Variants in ZMAT4 observed in about 807,000 individuals in gnomAD.
ZMAT4 encodes zinc finger matrin-type 4.
In ZMAT4, 17 loss-of-function variants were observed where a neutral mutation model predicts 28.7. The ratio of observed to expected loss-of-function variants is 0.59; its 90% CI spans 0.41 to 0.89. ZMAT4 has a LOEUF of 0.89. Ranked by LOEUF, ZMAT4 falls within the 40% of genes least tolerant of loss-of-function variation. The pLI, the probability that ZMAT4 is intolerant of heterozygous loss-of-function variation, is 0.00. For missense variants in ZMAT4, 240 were observed against 283.8 expected (o/e 0.85, Z 1.11); for synonymous variants, 117 against 109.2 (o/e 1.07, Z -0.44).
chr8:40,577,848 A>T (rs1368951138), intron 6 of ZMAT4, among the ~76,000 whole-genome samples: 3 of 151,902 alleles, frequency 2.0e-5, no homozygotes, highest in Non-Finnish European at 4.4e-5. Context: ...TTATTCTAGT[A>T]TCCCAAAACA....
intron 1 of ZMAT4, among the ~76,000 whole-genome samples, chr8:40,826,982 A>G (rs1176701329): frequency 2.0e-5 from 3 of 152,212 alleles, no homozygotes; most frequent in African/African-American, 7.2e-5. Context: ...TGCTGTATGA[A>G]GAGGCAAAAG....
chr8:40,812,973 A>G (rs1815386197), intron 2 of ZMAT4, among the ~76,000 whole-genome samples: 1 of 150,034 alleles, frequency 6.7e-6, no homozygotes, highest in Non-Finnish European at 1.5e-5. Context: ...ATTAAATTAA[A>G]TTAAATTAAA....
At chr8:40,799,356 C>T (rs1324910692) in intron 2 of ZMAT4, among the ~76,000 whole-genome samples, 2 of 152,014 alleles carry the variant, frequency 1.3e-5, no homozygotes, top group Admixed American at 1.3e-4. Context: ...TGTTTCTGTT[C>T]CTGTCTGTCC....
chr8:40,889,148 G>A (rs541505823), intron 1 of ZMAT4, among the ~76,000 whole-genome samples: 62 of 152,292 alleles, frequency 4.1e-4, no homozygotes, highest in African/African-American at 1.5e-3. Context: ...GCTAAGACAG[G>A]CCTGACCACT....
At chr8:40,656,851 A>T (rs993900616) in intron 5 of ZMAT4, among the ~76,000 whole-genome samples, 22 of 152,172 alleles carry the variant, frequency 1.4e-4, no homozygotes, top group African/African-American at 5.1e-4. Context: ...CACAGAGATA[A>T]AACCTAGACT....
chr8:40,728,285 A>G (rs527936372), intron 3 of ZMAT4, among the ~76,000 whole-genome samples: 66 of 152,346 alleles, frequency 4.3e-4, no homozygotes, highest in African/African-American at 1.6e-3. Context: ...AAAGTCTGGT[A>G]TATTAGTTAA....
At chr8:40,545,181 G>C (rs1255302757) in intron 6 of ZMAT4, among the ~76,000 whole-genome samples, 1 of 152,048 alleles carries the variant, frequency 6.6e-6, no homozygotes, top group African/African-American at 2.4e-5. Flanking sequence ...AACTGCGCGA[G>C]TGAGGTTGAG....
chr8:40,591,929 T>C (rs943375000), intron 5 of ZMAT4, among the ~76,000 whole-genome samples: 3 of 152,194 alleles, frequency 2.0e-5, no homozygotes, highest in African/African-American at 7.2e-5. Flanking sequence ...AATATTTATT[T>C]CCTATTTCAA....
At chr8:40,542,205 A>C (rs1383852175) in intron 6 of ZMAT4, among the ~76,000 whole-genome samples, 1 of 152,144 alleles carries the variant, frequency 6.6e-6, no homozygotes, top group East Asian at 1.9e-4. Flanking sequence ...CCCTGCTTGC[A>C]GAAGGAACAT....
chr8:40,802,808 G>A (rs543949090), intron 2 of ZMAT4, among the ~76,000 whole-genome samples: 26 of 152,286 alleles, frequency 1.7e-4, no homozygotes, highest in African/African-American at 6.0e-4. Context: ...CTGACACTAC[G>A]TGACTTCAAG....
chr8:40,677,379 GC>G (rs751244538), intron 4 of ZMAT4, among the ~76,000 whole-genome samples: 35 of 151,826 alleles, frequency 2.3e-4, no homozygotes, highest in African/African-American at 7.3e-4. Flanking sequence ...ATAAAAGCAG[GC>G]AAAGGCAGTA....
chr8:40,683,218 C>A lies in ZMAT4; in HGVS notation c.350-8287G>T, dbSNP rs1365015826. Among the ~76,000 whole-genome samples the A allele has an allele frequency of 3.9e-5, 6 of 152,152 alleles. 1 individual carries two copies. The highest frequency in any genetic ancestry group is 3.9e-4 in the Admixed American group (6 of 15,262). On this transcript the variant is annotated intron_variant, in intron 4 of 6. Transcript: ENST00000297737. ...CATAAACTGCTGTACTTGAGGACAT[C>A]CTGCAGGTATAACGATGAATGCCGG... is the stretch of plus-strand genomic sequence containing the variant.
rs74355980 is a variant in ZMAT4, at chr8:40,806,209, G to C, written c.102+19366C>G. ...ATTTGCAACTTTTTGCATGTGGGCA[G>C]TTCGATCCACAGTGTGAATACTCAC... On this transcript the variant is annotated intron_variant, in intron 2 of 6. Coordinates refer to ENST00000297737, the MANE Select transcript of ZMAT4 (RefSeq NM_024645.3). Among the ~76,000 whole-genome samples, 1,482 of 152,328 alleles carry C rather than the reference G, an allele frequency of 9.7e-3. 23 individuals carry two copies. Among genetic ancestry groups the C allele is most frequent in the African/African-American group, 0.034 (1,428 of 41,576 alleles).
chr8:40,831,171 A>G (rs1427998552), intron 1 of ZMAT4, among the ~76,000 whole-genome samples: 3 of 152,218 alleles, frequency 2.0e-5, no homozygotes, highest in African/African-American at 7.2e-5. Context: ...CAACAATACC[A>G]TCCACAAAGA....
chr8:40,809,231 T>A (rs1020588907), intron 2 of ZMAT4, among the ~76,000 whole-genome samples: 3 of 152,158 alleles, frequency 2.0e-5, no homozygotes, highest in African/African-American at 7.2e-5. Flanking sequence ...ATGTTTTCAC[T>A]TATAAGTGGG....
At chr8:40,756,563 C>A (rs1011725620) in intron 3 of ZMAT4, among the ~76,000 whole-genome samples, 6 of 149,360 alleles carry the variant, frequency 4.0e-5, no homozygotes, top group Non-Finnish European at 8.9e-5. Flanking sequence ...TAGGGGACTA[C>A]ATAAATTATG....
At chr8:40,869,861 G>C (rs13248430) in intron 1 of ZMAT4, among the ~76,000 whole-genome samples, 4,213 of 152,278 alleles carry the variant, frequency 0.028, 89 homozygotes, top group Non-Finnish European at 0.04. Context: ...CCTCCTGGCT[G>C]AGACAGCATG....
intron 1 of ZMAT4, among the ~76,000 whole-genome samples, chr8:40,849,624 A>G (rs547192869): frequency 8.5e-5 from 13 of 152,262 alleles, no homozygotes; most frequent in Admixed American, 3.3e-4. Context: ...GTGGGGAGAG[A>G]AGACAACTTA....
At chr8:40,806,069 A>T (rs1304925392) in intron 2 of ZMAT4, among the ~76,000 whole-genome samples, 1 of 152,232 alleles carries the variant, frequency 6.6e-6, no homozygotes, top group Middle Eastern at 3.2e-3. Flanking sequence ...AAAGGGGAAC[A>T]TTTCATCTTT....
Sources: allele counts gnomAD v4.1 joint callset (sites outside exome capture counted in the v4.1 genomes callset), GRCh38; gene constraint gnomAD v4.1.1; transcripts MANE v1.5; gene names NCBI Gene and HGNC (gene_info 2026-07-23, HGNC 2026-07-21).